The following PNMA5 variants were observed in gnomAD, a reference collection of about 807,000 sequenced individuals.
PNMA5 encodes the protein PNMA family member 5, also known as paraneoplastic antigen-like protein 5.
For synonymous variants in PNMA5, 138 were observed against 137.9 expected, an observed-to-expected ratio of 1.00 and a Z score of 0.00; for missense variants, 334 against 356.6, an observed-to-expected ratio of 0.94 and a Z score of 0.51.
Position 152,990,530 on chromosome X carries a change from T to C in PNMA5, c.1069A>G (p.Arg357Gly). Residue 357 changes from arginine (R) to glycine (G), a missense_variant, in exon 4 of 4, where the codon AGA becomes GGA. Coordinates refer to ENST00000535214, the MANE Select transcript of PNMA5 (RefSeq NM_001184924.2). Reference sequence around the variant, plus strand: ...GGTGCAGAGACACTGGCTTCTGCTCTTGCCTGTCTACCGGAGGCCCCCCGG... The same window carrying C: ...GGTGCAGAGACACTGGCTTCTGCTCCTGCCTGTCTACCGGAGGCCCCCCGG... The part of the protein sequence containing the change: ...RGRGASGRQA[R>G]AEASVSAPQA... The C allele has an allele frequency of 8.3e-7, 1 of 1,203,382 alleles. No individual in the cohort carries two copies. The highest frequency in any genetic ancestry group is 1.1e-6 in the Non-Finnish European group (1 of 892,219).
At position 152,990,240 on chromosome X, in the gene PNMA5, G is replaced by A. The variant is rs372640062; in HGVS notation, c.*12C>T. On this transcript the variant is annotated 3_prime_UTR_variant, in exon 4 of 4. Transcript: ENST00000535214. ...TGCCTGCCAGGGGAAGGAGTGCTTCGGTCTTCTGAGCCTATGTTTCCCAGG... is the reference window on the plus strand; with the variant it reads ...TGCCTGCCAGGGGAAGGAGTGCTTCAGTCTTCTGAGCCTATGTTTCCCAGG... 4 of 1,067,531 alleles carry A rather than the reference G, an allele frequency of 3.7e-6. No individual in the cohort carries two copies. The highest frequency in any genetic ancestry group is 3.4e-5 in the East Asian group (1 of 29,187). The allele number at this position is 1,067,531 out of a possible 1,213,427, so 88.0% of individuals were successfully genotyped here. A position where few individuals can be genotyped will look rare whatever the true frequency, so the allele number is the denominator to read the frequency against.
Position 152,990,266 on chromosome X carries a change from G to A in PNMA5, c.1333C>T (p.Pro445Ser). ...AGAGAMSHPK[P>S]WET ...GTCTTCTGAGCCTATGTTTCCCAGG[G>A]CTTGGGATGGCTCATGGCCCCAGCC... Residue 445 changes from proline to serine, a missense_variant, in exon 4 of 4, where the codon CCC becomes TCC. Transcript: ENST00000535214. 1.8e-6 allele frequency: 2 copies of A among 1,103,816 alleles called. No homozygotes were observed. Among genetic ancestry groups the A allele is most frequent in the Non-Finnish European group, 1.2e-6 (1 of 845,391 alleles). The allele number at this position is 1,103,816 out of a possible 1,213,427, so 91.0% of individuals were successfully genotyped here.
chrX:152,991,807 C>T, intron 3 of PNMA5, 86 bp from the exon 4 acceptor site: 1 of 431,216 alleles, frequency 2.3e-6, no homozygotes, highest in South Asian at 1.1e-4. Flanking sequence ...CACCCCCAAG[C>T]AGGGATGGAG....
intron 3 of PNMA5, 22 bp from the exon 4 acceptor site, chrX:152,991,743 A>G (rs1042613373): frequency 1.2e-6 from 1 of 867,535 alleles, no homozygotes. Flanking sequence ...ATGGGATGAG[A>G]GCATTGTTAA....
intron 1 of PNMA5, among the ~76,000 whole-genome samples, chrX:152,993,537 C>G (rs914519991): frequency 3.6e-5 from 4 of 111,755 alleles, no homozygotes; most frequent in Non-Finnish European, 7.5e-5. Flanking sequence ...TGGAATAGGT[C>G]TCCCTGAAGT....
Position 152,991,405 on chromosome X carries a change from ACTG to A in PNMA5, c.191_193del (p.Ala64del). ...GACAGTGTCAGCCAGTTCAATGAAG[ACTG>A]CCTTGGCATTGTCTTCCCTCCTGAA... is the stretch of plus-strand genomic sequence containing the variant. On this transcript the variant is annotated inframe_deletion, in exon 4 of 4. Coordinates refer to ENST00000535214, the MANE Select transcript of PNMA5 (RefSeq NM_001184924.2). 1 of 1,196,588 alleles carries A rather than the reference ACTG, an allele frequency of 8.4e-7. No individual in the cohort carries two copies. Among genetic ancestry groups the A allele is most frequent in the Non-Finnish European group, 1.1e-6 (1 of 887,969 alleles).
chrX:152,990,702 G>A lies in PNMA5; in HGVS notation c.897C>T (p.Thr299=), dbSNP rs376462955. ...LKHLLARVAM[T]PALRGKLELL... is the part of the protein sequence containing the mutation. The stretch of plus-strand genomic sequence containing the variant: ...GCTCCAGCTTGCCCCTGAGGGCGGG[G>A]GTCATGGCGACCCGAGCTAAGAGAT... Residue 299 remains threonine (T), a synonymous_variant, in exon 4 of 4, where the codon ACC becomes ACT. Transcript: ENST00000535214. 7.5e-6 allele frequency: 9 copies of A among 1,195,812 alleles called. No individual in the cohort carries two copies. The highest frequency in any genetic ancestry group is 1.0e-5 in the Non-Finnish European group (9 of 889,432).
rs782798871 is a variant in PNMA5, at chrX:152,990,171, C to T, written c.*81G>A. The T allele has an allele frequency of 9.6e-7, 1 of 1,041,915 alleles. No homozygotes were observed. Among genetic ancestry groups the T allele is most frequent in the South Asian group, 3.7e-5 (1 of 27,251 alleles). The allele number at this position is 1,041,915 out of a possible 1,213,427, so 85.9% of individuals were successfully genotyped here. A position where few individuals can be genotyped will look rare whatever the true frequency, so the allele number is the denominator to read the frequency against. ...TGTCCCTCTGCCCCAGTCAAGTTCC[C>T]TGTTAGTGTAAGCTGCCCCTTCCCC... is the stretch of plus-strand genomic sequence containing the variant. On this transcript the variant is annotated 3_prime_UTR_variant, in exon 4 of 4. Coordinates refer to ENST00000535214, the MANE Select transcript of PNMA5 (RefSeq NM_001184924.2).
chrX:152,992,033 G>C (rs16995712), intron 2 of PNMA5, 56 bp from the exon 3 acceptor site: 1 of 119,568 alleles, frequency 8.4e-6, no homozygotes, highest in Non-Finnish European at 1.7e-5. Flanking sequence ...GGACACTGAC[G>C]AGCCCTCCAG....
Position 152,991,359 on chromosome X carries a change from A to G in PNMA5, c.240T>C (p.Ser80=). 8.3e-7 allele frequency: 1 copy of G among 1,205,486 alleles called. No individual in the cohort carries two copies. Among genetic ancestry groups the G allele is most frequent in the Non-Finnish European group, 1.1e-6 (1 of 892,881 alleles). The part of the protein sequence containing the change: ...ADTVNYTTLP[S]HIPGKGGSWE... Reference sequence around the variant, plus strand: ...AGGAGCCACCCTTTCCTGGTATGTGACTGGGCAGAGTAGTGTAATTGACAG... The same window carrying G: ...AGGAGCCACCCTTTCCTGGTATGTGGCTGGGCAGAGTAGTGTAATTGACAG... The change falls in exon 4 of 4, where the codon AGT becomes AGC. Residue 80 remains serine (S), a synonymous_variant. Transcript: ENST00000535214.
In PNMA5 at chrX:152,991,206, G is replaced by A. The variant is rs782012013; in HGVS notation, c.393C>T (p.Ala131=). Residue 131 remains alanine, a synonymous_variant, in exon 4 of 4, where the codon GCC becomes GCT. Transcript: ENST00000535214. ...ARALGCCSLP[A]ESLDAEVMPQ... ...GCATGACCTCTGCATCCAGGCTCTC[G>A]GCAGGGAGGCTGCAACATCCCAGGG... The A allele has an allele frequency of 3.7e-5, 44 of 1,197,395 alleles. No individual in the cohort carries two copies. The highest frequency in any genetic ancestry group is 4.6e-5 in the Non-Finnish European group (41 of 889,440).
chrX:152,991,432 A>C lies in PNMA5; in HGVS notation c.167T>G (p.Phe56Cys). ...TGCCTTGGCATTGTCTTCCCTCCTG[A>C]ACATTCTCCCTAGGACCCTGTATGC... is the stretch of plus-strand genomic sequence containing the variant. Reference protein sequence around the residue: ...LCAYRVLGRMFRREDNAKAVF... With the variant: ...LCAYRVLGRMCRREDNAKAVF... Residue 56 changes from phenylalanine to cysteine, a missense_variant, in exon 4 of 4, where the codon TTC becomes TGC. Transcript: ENST00000535214. The C allele has an allele frequency of 8.3e-7, 1 of 1,199,834 alleles. No homozygotes were observed. Among genetic ancestry groups the C allele is most frequent in the Non-Finnish European group, 1.1e-6 (1 of 890,137 alleles).
Position 152,990,715 on chromosome X carries a change from C to T in PNMA5, c.884G>A (p.Arg295Gln), listed in dbSNP as rs1556924334. The T allele has an allele frequency of 4.2e-6, 5 of 1,198,430 alleles. No homozygotes were observed. The highest frequency in any genetic ancestry group is 2.3e-4 in the Middle Eastern group (1 of 4,279). ...CCTGAGGGCGGGGGTCATGGCGACCCGAGCTAAGAGATGTTTCAGACGAAT... is the reference window on the plus strand; with the variant it reads ...CCTGAGGGCGGGGGTCATGGCGACCTGAGCTAAGAGATGTTTCAGACGAAT... Reference protein sequence around the residue: ...DMIRLKHLLARVAMTPALRGK... With the variant: ...DMIRLKHLLAQVAMTPALRGK... Residue 295 changes from arginine to glutamine, a missense_variant, in exon 4 of 4, where the codon CGG becomes CAG. Physicochemically the swap from Arg to Gln is conservative, Grantham distance 43. Transcript: ENST00000535214.
Position 152,989,964 on chromosome X carries a change from G to T in PNMA5, c.*288C>A. The T allele has an allele frequency of 3.6e-6, 1 of 281,467 alleles. No homozygotes were observed. The highest frequency in any genetic ancestry group is 6.2e-6 in the Non-Finnish European group (1 of 162,333). The allele number at this position is 281,467 out of a possible 1,213,427, so 23.2% of individuals were successfully genotyped here. A position where few individuals can be genotyped will look rare whatever the true frequency, so the allele number is the denominator to read the frequency against. ...CCTTCTTCAGCCCCTGCTTCGCTGG[G>T]GTCCCCATCTGAAGCCCAGGCACCC... On this transcript the variant is annotated 3_prime_UTR_variant, in exon 4 of 4. Coordinates refer to ENST00000535214, the MANE Select transcript of PNMA5 (RefSeq NM_001184924.2).
chrX:152,991,386 G>A lies in PNMA5; in HGVS notation c.213C>T (p.Asp71=), dbSNP rs782775107. 1.7e-6 allele frequency: 2 copies of A among 1,198,166 alleles called. No individual in the cohort carries two copies. Among genetic ancestry groups the A allele is most frequent in the South Asian group, 1.9e-5 (1 of 53,619 alleles). The change falls in exon 4 of 4, where the codon GAC becomes GAT. Residue 71 remains aspartate, a synonymous_variant. Coordinates refer to ENST00000535214, the MANE Select transcript of PNMA5 (RefSeq NM_001184924.2). The part of the protein sequence containing the change: ...NAKAVFIELA[D]TVNYTTLPSH... ...TGGGCAGAGTAGTGTAATTGACAGT[G>A]TCAGCCAGTTCAATGAAGACTGCCT... is the stretch of plus-strand genomic sequence containing the variant.
chrX:152,993,083 C>T (rs73633278), intron 1 of PNMA5, among the ~76,000 whole-genome samples: 3 of 108,997 alleles, frequency 2.8e-5, no homozygotes, highest in Admixed American at 9.7e-5. Context: ...TCCATTCCCT[C>T]CCAAGCTCCG....
In PNMA5 at chrX:152,990,806, G is replaced by A. The variant is rs1556924363; in HGVS notation, c.793C>T (p.Arg265Cys). The A allele has an allele frequency of 3.3e-6, 4 of 1,195,294 alleles. No homozygotes were observed. In the South Asian group the frequency reaches 5.6e-5, roughly 17 times the overall value. Residue 265 changes from arginine to cysteine, a missense_variant, in exon 4 of 4, where the codon CGC (arginine) becomes TGC (cysteine). Coordinates refer to ENST00000535214, the MANE Select transcript of PNMA5 (RefSeq NM_001184924.2). The stretch of plus-strand genomic sequence containing the variant: ...GCTTTCTGCAGCAGGGGCTCTAAGC[G>A]CAGCAGGAAAGTGGAGACTTTCTCT... ...IGEKVSTFLL[R>C]LEPLLQKAVH... is the part of the protein sequence containing the mutation.
Position 152,990,476 on chromosome X carries a change from TA to T in PNMA5, c.1122del (p.Phe374LeufsTer16). ...TGTATGGTCTGGGGGCTGCTGTCGC[TA>T]AAAGACCTTGCCTGCACGGTGGCCT... ...APQATVQARS[F>X]SDSSPQTIQG... is the part of the protein sequence containing the mutation. On this transcript the variant is annotated frameshift_variant, in exon 4 of 4. Coordinates refer to ENST00000535214, the MANE Select transcript of PNMA5 (RefSeq NM_001184924.2). LOFTEE classifies it low-confidence loss of function (END_TRUNC). 1 of 1,175,785 alleles carries T rather than the reference TA, an allele frequency of 8.5e-7. No homozygotes were observed.
Position 152,990,354 on chromosome X carries a change from T to A in PNMA5, c.1245A>T (p.Glu415Asp). ...DHGQATYPKAENQTPGREGPQ... is the reference protein window; with the variant it reads ...DHGQATYPKADNQTPGREGPQ... The stretch of plus-strand genomic sequence containing the variant: ...GCCCCTCCCTGCCTGGAGTCTGGTT[T>A]TCAGCCTTGGGATACGTGGCCTGGC... Residue 415 changes from glutamate to aspartate, a missense_variant, in exon 4 of 4, where the codon GAA (glutamate) becomes GAT (aspartate). Coordinates refer to ENST00000535214, the MANE Select transcript of PNMA5 (RefSeq NM_001184924.2). 2 of 1,168,295 alleles carry A rather than the reference T, an allele frequency of 1.7e-6. No individual in the cohort carries two copies. The highest frequency in any genetic ancestry group is 2.3e-6 in the Non-Finnish European group (2 of 879,216).
Sources: gnomAD v4.1 joint callset for allele counts (sites outside exome capture counted in the v4.1 genomes callset) on GRCh38, gnomAD v4.1.1 for gene constraint, MANE v1.5 for transcripts, NCBI Gene and HGNC (gene_info 2026-07-23, HGNC 2026-07-21) for gene names.